Variants in NADK2 observed in about 807,000 individuals in gnomAD.
NADK2 encodes the protein NAD kinase 2, mitochondrial.
A neutral mutation model predicts 62.1 loss-of-function variants in NADK2; 35 were observed. That is an observed-to-expected ratio of 0.56 (90% CI 0.43 to 0.75). The LOEUF is 0.75. Ranked by LOEUF, NADK2 falls within the 30% of genes least tolerant of loss-of-function variation. NADK2 has a pLI of 0.00. For synonymous variants in NADK2, 205 were observed against 207.9 expected, an observed-to-expected ratio of 0.99 and a Z score of 0.12; for missense variants, 439 against 561.3, an observed-to-expected ratio of 0.78 and a Z score of 2.20.
intron 1 of NADK2, among the ~76,000 whole-genome samples, chr5:36,232,521 A>T (rs1208746700): frequency 1.3e-5 from 2 of 152,264 alleles, no homozygotes; most frequent in South Asian, 4.1e-4. Context: ...AACAGCACCT[A>T]ATCAACACCT....
chr5:36,232,397 G>A (rs1044311675), intron 1 of NADK2, among the ~76,000 whole-genome samples: 2 of 152,062 alleles, frequency 1.3e-5, no homozygotes, highest in African/African-American at 4.8e-5. Context: ...AAACTTTTGA[G>A]ACAATGACAG....
intron 7 of NADK2, among the ~76,000 whole-genome samples, chr5:36,211,619 CTT>C (rs1746847827): frequency 6.6e-6 from 1 of 151,880 alleles, no homozygotes; most frequent in South Asian, 2.1e-4. Context: ...AGTACAATAA[CTT>C]TATTTAATCT....
In NADK2 at chr5:36,241,438, G is replaced by T; in HGVS notation, c.300+61C>A. On this transcript the variant is annotated intron_variant, in intron 1 of 11. Coordinates refer to ENST00000381937, the MANE Select transcript of NADK2 (RefSeq NM_001085411.3). The surrounding 1 kb of genome is among the most constrained non-coding windows in gnomAD (Gnocchi z 4.9). ...TCCCGAGAGGTCCCCCCGAGGGGGC[G>T]CAGCCGCCACCAGAGCCCCGGCCGA... The T allele has an allele frequency of 6.8e-7, 1 of 1,468,138 alleles. No individual in the cohort carries two copies. Among genetic ancestry groups the T allele is most frequent in the Non-Finnish European group, 9.0e-7 (1 of 1,113,030 alleles). 90.9% of individuals were successfully genotyped at this position (1,468,138 alleles called of 1,614,324 possible). A position where few individuals can be genotyped will look rare whatever the true frequency, so the allele number is the denominator to read the frequency against.
chr5:36,225,151 C>A (rs1747434472), intron 4 of NADK2, among the ~76,000 whole-genome samples: 1 of 152,152 alleles, frequency 6.6e-6, no homozygotes, highest in Admixed American at 6.5e-5. Context: ...TTTCCTACCA[C>A]CAATGCCAGC....
At chr5:36,213,591 C>A (rs1746929720) in intron 6 of NADK2, among the ~76,000 whole-genome samples, 1 of 54,668 alleles carries the variant, frequency 1.8e-5, no homozygotes. Flanking sequence ...AGAGAAAGAC[C>A]TTGATACAAA....
intron 1 of NADK2, among the ~76,000 whole-genome samples, chr5:36,233,655 C>T (rs1747791809): frequency 6.6e-6 from 1 of 152,096 alleles, no homozygotes; most frequent in Non-Finnish European, 1.5e-5. Flanking sequence ...TTTAATTCTT[C>T]CCTGTTATCT....
rs1746122540 is a variant in NADK2, at chr5:36,193,851, T to C, written c.*1293A>G. The C allele has an allele frequency of 6.6e-6, 1 of 152,622 alleles. No individual in the cohort carries two copies. The highest frequency in any genetic ancestry group is 1.5e-5 in the Non-Finnish European group (1 of 68,028). 9.5% of individuals were successfully genotyped at this position (152,622 alleles called of 1,614,324 possible). ...TTCTGAGCCCACAAGACTCAAATTG[T>C]ATAAGGATAGAGTCTGTTTCATTCA... On this transcript the variant is annotated 3_prime_UTR_variant, in exon 12 of 12. Coordinates refer to ENST00000381937, the MANE Select transcript of NADK2 (RefSeq NM_001085411.3).
Position 36,241,368 on chromosome 5 carries a change from G to A in NADK2, c.300+131C>T, listed in dbSNP as rs539381771. ...GGAGAAGCCAGAGGACCTGGGGGCC[G>A]CGAGAGAGGCAGGACCGGCATCTGC... On this transcript the variant is annotated intron_variant, in intron 1 of 11. Transcript: ENST00000381937. This position sits in a 1 kb window ranked among gnomAD's most constrained non-coding sequence, Gnocchi z 4.9. The A allele has an allele frequency of 4.5e-6, 6 of 1,337,468 alleles. No individual in the cohort carries two copies. The East Asian group carries it at 1.6e-4, about 35-fold the overall frequency. The allele number at this position is 1,337,468 out of a possible 1,614,324, so 82.9% of individuals were successfully genotyped here.
chr5:36,217,678 A>C, intron 6 of NADK2, 70 bp downstream of exon 6: 3 of 1,567,646 alleles, frequency 1.9e-6, no homozygotes, highest in Non-Finnish European at 2.6e-6. Flanking sequence ...TATTACATCA[A>C]AAAATTTGAG....
chr5:36,201,785 T>C (rs1438703832), intron 8 of NADK2, among the ~76,000 whole-genome samples: 1 of 152,018 alleles, frequency 6.6e-6, no homozygotes, highest in Non-Finnish European at 1.5e-5. Context: ...GCAAGTATTC[T>C]TTAAATTATA....
Position 36,200,293 on chromosome 5 carries a change from GA to G in NADK2, c.1013-14del. The G allele has an allele frequency of 6.4e-7, 1 of 1,569,322 alleles. No homozygotes were observed. Among genetic ancestry groups the G allele is most frequent in the South Asian group, 1.2e-5 (1 of 84,918 alleles). ...CCTTGTCGTTTTGCTGTTGAAAAAG[GA>G]AAGGGGGAAAATGTATGTTATAAAT... On this transcript the variant is annotated splice_polypyrimidine_tract_variant and intron_variant, in intron 9 of 11. Transcript: ENST00000381937.
chr5:36,238,837 G>A lies in NADK2; in HGVS notation c.300+2662C>T, dbSNP rs1244057634. 2.0e-5 allele frequency among the ~76,000 whole-genome samples: 3 copies of A among 152,092 alleles called. No homozygotes were observed. In the South Asian group the frequency reaches 6.2e-4, roughly 32 times the overall value. On this transcript the variant is annotated intron_variant, in intron 1 of 11. Coordinates refer to ENST00000381937, the MANE Select transcript of NADK2 (RefSeq NM_001085411.3). ...TAAAGCAATGTAACCAATATGAAAC[G>A]GTAAATAAAAGTCAAAACTTTGACT...
intron 1 of NADK2, among the ~76,000 whole-genome samples, chr5:36,233,292 C>T (rs994140177): frequency 6.6e-6 from 1 of 152,120 alleles, no homozygotes; most frequent in Non-Finnish European, 1.5e-5. Context: ...TTTTGGGCGT[C>T]GTATGAAAAC....
chr5:36,227,519 T>C lies in NADK2; in HGVS notation c.347A>G (p.His116Arg), dbSNP rs1747528609. The change falls in exon 2 of 12, where the codon CAT (histidine) becomes CGT (arginine). Residue 116 changes from histidine (H) to arginine (R), a missense_variant. Transcript: ENST00000381937. ...SSYSGLLERH[H>R]IHTKNVEHII... is the part of the protein sequence containing the mutation. Reference sequence around the variant, plus strand: ...ATGTTCTACATTTTTGGTGTGAATATGATGTCGTTCAAGAAGTCCACTGTA... The same window carrying C: ...ATGTTCTACATTTTTGGTGTGAATACGATGTCGTTCAAGAAGTCCACTGTA... 3.2e-6 allele frequency: 5 copies of C among 1,559,374 alleles called. No individual in the cohort carries two copies. Among genetic ancestry groups the C allele is most frequent in the South Asian group, 2.4e-5 (2 of 82,754 alleles).
chr5:36,241,602 A>G lies in NADK2; in HGVS notation c.197T>C (p.Phe66Ser). 1.3e-6 allele frequency: 2 copies of G among 1,508,212 alleles called. No individual in the cohort carries two copies. The highest frequency in any genetic ancestry group is 2.9e-5 in the East Asian group (1 of 35,048). The allele number at this position is 1,508,212 out of a possible 1,614,324, so 93.4% of individuals were successfully genotyped here. The stretch of plus-strand genomic sequence containing the variant: ...CACCACCACCACCCGGGAGGGGCGG[A>G]AGCCGCCGTCCGCGCGGCTGCCACA... Reference protein sequence around the residue: ...AGCGSRADGGFRPSRVVVVAK... With the variant: ...AGCGSRADGGSRPSRVVVVAK... Residue 66 changes from phenylalanine to serine, a missense_variant, in exon 1 of 12, where the codon TTC becomes TCC. Coordinates refer to ENST00000381937, the MANE Select transcript of NADK2 (RefSeq NM_001085411.3). The surrounding 1 kb of genome is among the most constrained non-coding windows in gnomAD (Gnocchi z 4.9).
intron 8 of NADK2, among the ~76,000 whole-genome samples, chr5:36,206,801 A>AG (rs1235335985): frequency 6.6e-6 from 1 of 152,130 alleles, no homozygotes; most frequent in Non-Finnish European, 1.5e-5. Context: ...GGGATGCACC[A>AG]GGTTATCTCC....
chr5:36,227,503 A>AT lies in NADK2; in HGVS notation c.362dup (p.Asn121LysfsTer8). 6.5e-7 allele frequency: 1 copy of AT among 1,549,942 alleles called. No homozygotes were observed. Reference sequence around the variant, plus strand: ...GTAAACTATCTATAATATGTTCTACATTTTTGGTGTGAATATGATGTCGTT... The same window carrying AT: ...GTAAACTATCTATAATATGTTCTACATTTTTTGGTGTGAATATGATGTCGTT... On this transcript the variant is annotated frameshift_variant, in exon 2 of 12. Coordinates refer to ENST00000381937, the MANE Select transcript of NADK2 (RefSeq NM_001085411.3). LOFTEE classifies it high-confidence loss of function.
chr5:36,194,145 A>ATCT lies in NADK2; in HGVS notation c.*996_*998dup, dbSNP rs1406787236. ...ATGGGGAAAAAAAAAAAGTCCTAAC[A>ATCT]TCTTATCCTAAAAGCTATTCTGTAA... On this transcript the variant is annotated 3_prime_UTR_variant, in exon 12 of 12. Coordinates refer to ENST00000381937, the MANE Select transcript of NADK2 (RefSeq NM_001085411.3). 1 of 152,208 alleles carries ATCT rather than the reference A, an allele frequency of 6.6e-6. No individual in the cohort carries two copies. Among genetic ancestry groups the ATCT allele is most frequent in the East Asian group, 1.9e-4 (1 of 5,202 alleles). 9.4% of individuals were successfully genotyped at this position (152,208 alleles called of 1,614,324 possible).
At chr5:36,229,622 T>A (rs1747630021) in intron 1 of NADK2, among the ~76,000 whole-genome samples, 1 of 151,808 alleles carries the variant, frequency 6.6e-6, no homozygotes, top group African/African-American at 2.4e-5. Context: ...ATCTCTAGTT[T>A]CACGGCTTTA....
Sources: gnomAD v4.1 joint callset for allele counts (sites outside exome capture counted in the v4.1 genomes callset) on GRCh38, gnomAD v4.1.1 for gene constraint, Gnocchi (gnomAD v3.1) non-coding constraint, MANE v1.5 for transcripts, NCBI Gene and HGNC (gene_info 2026-07-23, HGNC 2026-07-21) for gene names.